Variants in RFX4 observed in about 807,000 individuals in gnomAD.
RFX4 encodes the protein transcription factor RFX4.
Under a neutral mutation model 95.0 loss-of-function variants are expected in RFX4, and 10 were observed. The ratio of observed to expected loss-of-function variants is 0.11; its 90% CI spans 0.06 to 0.18. The LOEUF is 0.18. Ranked by LOEUF, RFX4 falls within the 10% of genes least tolerant of loss-of-function variation. The pLI is 1.00. For synonymous variants in RFX4, 321 were observed against 340.7 expected (o/e 0.94, Z 0.64); for missense variants, 640 against 922.0 (o/e 0.69, Z 3.96).
At chr12:106,658,621 G>A (rs760703087) in intron 4 of RFX4, among the ~76,000 whole-genome samples, 9 of 152,166 alleles carry the variant, frequency 5.9e-5, no homozygotes, top group Admixed American at 3.9e-4. Flanking sequence ...GGAGACAGTG[G>A]GGGAGGAAAG....
At chr12:106,650,330 C>T (rs181401381) in intron 3 of RFX4, among the ~76,000 whole-genome samples, 37 of 152,234 alleles carry the variant, frequency 2.4e-4, no homozygotes, top group African/African-American at 8.4e-4. Flanking sequence ...GCTTGTCATA[C>T]ACAAAATTGC....
chr12:106,728,621 C>T (rs1381090484), intron 13 of RFX4, among the ~76,000 whole-genome samples: 2 of 152,084 alleles, frequency 1.3e-5, no homozygotes, highest in South Asian at 2.1e-4. Flanking sequence ...GTGGGATGTT[C>T]GCTGTAACTG....
chr12:106,611,759 C>T (rs2039966437), intron 2 of RFX4, among the ~76,000 whole-genome samples: 1 of 152,140 alleles, frequency 6.6e-6, no homozygotes, highest in Admixed American at 6.5e-5. Flanking sequence ...GATCTGCCCC[C>T]CTCAGCCTCC....
At position 106,583,099 on chromosome 12, in the gene RFX4, CCCTTCTCT is replaced by C. The variant is rs1189527675; in HGVS notation, c.-219_-212del. 4 of 432,780 alleles carry C rather than the reference CCCTTCTCT, an allele frequency of 9.2e-6. No homozygotes were observed. Among genetic ancestry groups the C allele is most frequent in the Non-Finnish European group, 1.6e-5 (4 of 250,002 alleles). 26.8% of individuals were successfully genotyped at this position (432,780 alleles called of 1,614,324 possible). A position where few individuals can be genotyped will look rare whatever the true frequency, so the allele number is the denominator to read the frequency against. On this transcript the variant is annotated 5_prime_UTR_variant, in exon 1 of 18. Transcript: ENST00000392842. ...TCTCTCCCCCTTCTCCGAGCTCGCTCCCTTCTCTCCCTCTCTCTCCTCTTTTCTTCTTT... is the reference window on the plus strand; with the variant it reads ...TCTCTCCCCCTTCTCCGAGCTCGCTCCCCTCTCTCTCCTCTTTTCTTCTTT...
chr12:106,608,051 A>G (rs2137201247), intron 1 of RFX4, among the ~76,000 whole-genome samples: 2 of 152,142 alleles, frequency 1.3e-5, no homozygotes, highest in Non-Finnish European at 2.9e-5. Flanking sequence ...AAATTAGCCG[A>G]ACTTGGTGGC....
chr12:106,723,066 T>C (rs895936785), intron 13 of RFX4, among the ~76,000 whole-genome samples: 2 of 152,200 alleles, frequency 1.3e-5, no homozygotes, highest in African/African-American at 2.4e-5. Context: ...GTGTGGAATA[T>C]CACAATGATC....
intron 13 of RFX4, among the ~76,000 whole-genome samples, chr12:106,725,318 A>G (rs553910775): frequency 6.6e-6 from 1 of 152,172 alleles, no homozygotes; most frequent in African/African-American, 2.4e-5. Flanking sequence ...ACAGACCCCA[A>G]TTGTTAATGG....
chr12:106,697,302 C>G (rs543119260), intron 8 of RFX4, among the ~76,000 whole-genome samples: 1 of 152,140 alleles, frequency 6.6e-6, no homozygotes, highest in Non-Finnish European at 1.5e-5. Context: ...AAGCACATTG[C>G]ACATCCATGT....
chr12:106,621,676 G>A (rs557986833), intron 2 of RFX4, among the ~76,000 whole-genome samples: 1 of 152,300 alleles, frequency 6.6e-6, no homozygotes, highest in African/African-American at 2.4e-5. Context: ...TTTGTTTAAA[G>A]TTCTCTTCTC....
intron 8 of RFX4, among the ~76,000 whole-genome samples, chr12:106,700,470 G>A (rs1398051373): frequency 3.5e-5 from 5 of 143,204 alleles, no homozygotes; most frequent in African/African-American, 7.9e-5. Context: ...GCAGTGGCGC[G>A]ATCTCGGCTC....
chr12:106,753,640 C>G (rs1202245261), intron 17 of RFX4, among the ~76,000 whole-genome samples: 5 of 152,122 alleles, frequency 3.3e-5, no homozygotes, highest in Non-Finnish European at 5.9e-5. Context: ...TTAGATAACC[C>G]CTGCAGAAGA....
At chr12:106,636,198 G>A (rs141867276) in intron 2 of RFX4, among the ~76,000 whole-genome samples, 283 of 152,112 alleles carry the variant, frequency 1.9e-3, no homozygotes, top group Non-Finnish European at 3.2e-3. Flanking sequence ...GACCAACATG[G>A]TGAAACCCCA....
At chr12:106,631,324 G>A (rs977223114) in intron 2 of RFX4, among the ~76,000 whole-genome samples, 4 of 152,136 alleles carry the variant, frequency 2.6e-5, no homozygotes, top group Admixed American at 6.5e-5. Flanking sequence ...TGCTTCCTCC[G>A]ACCCTACCAC....
chr12:106,641,258 A>C (rs1356561246), intron 3 of RFX4, among the ~76,000 whole-genome samples: 1 of 152,212 alleles, frequency 6.6e-6, no homozygotes, highest in African/African-American at 2.4e-5. Context: ...GTCATGGCTT[A>C]ACTCCCAACT....
intron 17 of RFX4, among the ~76,000 whole-genome samples, chr12:106,757,303 G>A (rs1231223098): frequency 6.6e-6 from 1 of 152,188 alleles, no homozygotes; most frequent in African/African-American, 2.4e-5. Flanking sequence ...GAGGCTGGAA[G>A]CCCAGGAGTT....
At chr12:106,617,951 T>C (rs1013269903) in intron 2 of RFX4, among the ~76,000 whole-genome samples, 2 of 152,178 alleles carry the variant, frequency 1.3e-5, no homozygotes, top group African/African-American at 4.8e-5. Context: ...GGTCTTGAAC[T>C]CCTGACCTCA....
intron 3 of RFX4, among the ~76,000 whole-genome samples, chr12:106,643,469 G>T (rs967730831): frequency 6.6e-6 from 1 of 152,146 alleles, no homozygotes; most frequent in Non-Finnish European, 1.5e-5. Context: ...TGCTTAAAAC[G>T]GTGTGGAGAA....
rs1244909375 is a variant in RFX4, at chr12:106,715,558, C to T, written c.1138+14C>T. ...TCATCACCCAATGTAAGCTGTCCCA[C>T]CAGGGATTGTTGTCCTGTTTTTATT... On this transcript the variant is annotated intron_variant, in intron 11 of 17. Coordinates refer to ENST00000392842, the MANE Select transcript of RFX4 (RefSeq NM_213594.3). 1.2e-6 allele frequency: 2 copies of T among 1,610,842 alleles called. No homozygotes were observed. The highest frequency in any genetic ancestry group is 2.7e-5 in the African/African-American group (2 of 74,806).
In RFX4 at chr12:106,650,061, G is replaced by A. The variant is rs539438066; in HGVS notation, c.192-4167G>A. On this transcript the variant is annotated intron_variant, in intron 3 of 17. Coordinates refer to ENST00000392842, the MANE Select transcript of RFX4 (RefSeq NM_213594.3). ...AGCCACTATGTGCCAGGCTTTGATC[G>A]TCCTCCTGGGCCACCTCCCCTAGAG... Among the ~76,000 whole-genome samples, 14 of 152,178 alleles carry A rather than the reference G, an allele frequency of 9.2e-5. No homozygotes were observed. In the East Asian group the frequency reaches 1.2e-3, roughly 13 times the overall value.
Sources: gnomAD v4.1 joint callset for allele counts (sites outside exome capture counted in the v4.1 genomes callset) on GRCh38, gnomAD v4.1.1 for gene constraint, MANE v1.5 for transcripts, NCBI Gene and HGNC (gene_info 2026-07-23, HGNC 2026-07-21) for gene names.